The following ZNF407 variants were observed in gnomAD, a reference collection of about 807,000 sequenced individuals.
ZNF407 encodes the protein zinc finger protein 407.
In ZNF407, 17 loss-of-function variants were observed where a neutral mutation model predicts 131.2. The observed-to-expected ratio is 0.13, with a 90% CI of 0.09 to 0.19. ZNF407 has a LOEUF of 0.19. Ranked by LOEUF, ZNF407 falls within the 10% of genes least tolerant of loss-of-function variation. The pLI is 1.00. For synonymous variants in ZNF407, 1,156 were observed against 1,062.0 expected (o/e 1.09, Z -1.72); for missense variants, 2,681 against 2,830.6 (o/e 0.95, Z 1.20).
intron 8 of ZNF407, among the ~76,000 whole-genome samples, chr18:74,989,455 C>A (rs1972692434): frequency 6.6e-6 from 1 of 152,208 alleles, no homozygotes; most frequent in South Asian, 2.1e-4. Flanking sequence ...ATCACACAGA[C>A]CTCATAGAGC....
At chr18:74,673,817 TG>T (rs61597909) in intron 3 of ZNF407, among the ~76,000 whole-genome samples, 184 of 152,354 alleles carry the variant, frequency 1.2e-3, no homozygotes, top group African/African-American at 3.7e-3. Context: ...TTTGTATCTA[TG>T]ATTCATTGTT....
chr18:74,676,680 C>T (rs548171883), intron 3 of ZNF407, among the ~76,000 whole-genome samples: 17 of 151,882 alleles, frequency 1.1e-4, no homozygotes, highest in Non-Finnish European at 1.5e-4. Flanking sequence ...GTGATCTGCC[C>T]GCCTTGGCCT....
intron 4 of ZNF407, among the ~76,000 whole-genome samples, chr18:74,831,208 C>G (rs781414282): frequency 1.3e-5 from 2 of 152,154 alleles, no homozygotes; most frequent in Non-Finnish European, 2.9e-5. Context: ...CATATCTTGG[C>G]TGTTGTGAAC....
intron 4 of ZNF407, among the ~76,000 whole-genome samples, chr18:74,803,116 C>G (rs745389240): frequency 6.6e-6 from 1 of 152,142 alleles, no homozygotes; most frequent in Non-Finnish European, 1.5e-5. Flanking sequence ...GTTACCACCC[C>G]CTTAGCCAGT....
intron 1 of ZNF407, among the ~76,000 whole-genome samples, chr18:74,616,533 C>T (rs1983294769): frequency 6.6e-6 from 1 of 151,782 alleles, no homozygotes; most frequent in African/African-American, 2.4e-5. Context: ...CCAGCCCACT[C>T]CCTCCACCCC....
chr18:74,707,372 C>T (rs1375105721), intron 3 of ZNF407, among the ~76,000 whole-genome samples: 6 of 152,132 alleles, frequency 3.9e-5, no homozygotes, highest in African/African-American at 7.2e-5. Flanking sequence ...GGCTGAGCAT[C>T]CCTTATCCAA....
intron 8 of ZNF407, among the ~76,000 whole-genome samples, chr18:75,022,875 G>A (rs545452960): frequency 1.3e-5 from 2 of 152,236 alleles, no homozygotes; most frequent in South Asian, 2.1e-4. Context: ...AAAGATACCT[G>A]CATATGTATG....
intron 8 of ZNF407, among the ~76,000 whole-genome samples, chr18:75,038,340 T>A (rs1051530106): frequency 1.3e-5 from 2 of 152,230 alleles, no homozygotes; most frequent in African/African-American, 4.8e-5. Flanking sequence ...TGAGGTTTTT[T>A]TTTCCACGGG....
intron 4 of ZNF407, 75 bp downstream of exon 4, chr18:74,781,577 T>G (rs1193628404): frequency 8.7e-7 from 1 of 1,146,508 alleles, no homozygotes; most frequent in Non-Finnish European, 1.2e-6. Flanking sequence ...ATGACATGAC[T>G]TCTAGACTTT....
At chr18:74,667,950 C>A (rs1323942747) in intron 3 of ZNF407, among the ~76,000 whole-genome samples, 1 of 151,960 alleles carries the variant, frequency 6.6e-6, no homozygotes, top group Non-Finnish European at 1.5e-5. Flanking sequence ...ATTTTGTTTA[C>A]TTTGAGAAAT....
At chr18:74,914,658 C>A (rs771850803) in intron 7 of ZNF407, among the ~76,000 whole-genome samples, 1 of 152,168 alleles carries the variant, frequency 6.6e-6, no homozygotes. Flanking sequence ...GAGGTACTTT[C>A]CTGAGATCAC....
intron 7 of ZNF407, among the ~76,000 whole-genome samples, chr18:74,907,015 A>G (rs1203608831): frequency 3.9e-5 from 6 of 152,216 alleles, no homozygotes; most frequent in African/African-American, 1.2e-4. Context: ...ATGTATACAT[A>G]TATGTGTATA....
chr18:74,985,503 C>T (rs34350508), intron 8 of ZNF407, among the ~76,000 whole-genome samples: 6,108 of 152,254 alleles, frequency 0.04, 443 homozygotes, highest in African/African-American at 0.14. Context: ...TTACAACCAC[C>T]TAAATTAGTG....
chr18:74,889,925 A>G lies in ZNF407; in HGVS notation c.5136A>G (p.Lys1712=), dbSNP rs186266764. The change falls in exon 7 of 9, where the codon AAA becomes AAG. Residue 1712 remains lysine, a synonymous_variant. Coordinates refer to ENST00000299687, the MANE Select transcript of ZNF407 (RefSeq NM_017757.3). ...TTTCTTGATATATTACAGGAGAAAA[A>G]CCTTTCAAGTGCGATGAGTGTAACT... ...TKHRRQHTGE[K]PFKCDECNFA... The G allele has an allele frequency of 6.2e-7, 1 of 1,607,394 alleles. No homozygotes were observed. Among genetic ancestry groups the G allele is most frequent in the Non-Finnish European group, 8.5e-7 (1 of 1,176,778 alleles).
chr18:74,632,601 T>G lies in ZNF407; in HGVS notation c.1582T>G (p.Cys528Gly). 6.2e-7 allele frequency: 1 copy of G among 1,614,048 alleles called. No individual in the cohort carries two copies. Among genetic ancestry groups the G allele is most frequent in the East Asian group, 2.2e-5 (1 of 44,876 alleles). ...GCCAGCTTCTGGCTCTCAGACGTTGTGTGCTTGTACAGACTGTGGGCAAGT... is the reference window on the plus strand; with the variant it reads ...GCCAGCTTCTGGCTCTCAGACGTTGGGTGCTTGTACAGACTGTGGGCAAGT... ...VKPASGSQTL[C>G]ACTDCGQVAT... is the part of the protein sequence containing the mutation. The change falls in exon 2 of 9, where the codon TGT (cysteine) becomes GGT (glycine). Residue 528 changes from cysteine to glycine, a missense_variant. Cys to Gly is a radical substitution (Grantham distance 159, BLOSUM62 -3). Coordinates refer to ENST00000299687, the MANE Select transcript of ZNF407 (RefSeq NM_017757.3).
rs370364792 is a variant in ZNF407, at chr18:74,680,679, T to G, written c.4802+39557T>G. On this transcript the variant is annotated intron_variant, in intron 3 of 8. Coordinates refer to ENST00000299687, the MANE Select transcript of ZNF407 (RefSeq NM_017757.3). ...CGTCAAATTTACAACCTTGAGTAGATGTAGTATTTTTCTTATAATTTTGAA... is the reference window on the plus strand; with the variant it reads ...CGTCAAATTTACAACCTTGAGTAGAGGTAGTATTTTTCTTATAATTTTGAA... Among the ~76,000 whole-genome samples the G allele has an allele frequency of 1.1e-4, 17 of 152,226 alleles. No homozygotes were observed. In the East Asian group the frequency reaches 3.1e-3, roughly 28 times the overall value.
chr18:74,968,274 C>T (rs1348191574), intron 8 of ZNF407, among the ~76,000 whole-genome samples: 1 of 152,142 alleles, frequency 6.6e-6, no homozygotes, highest in African/African-American at 2.4e-5. Context: ...CATTTAGGGA[C>T]CTTAACTTCC....
intron 3 of ZNF407, among the ~76,000 whole-genome samples, chr18:74,755,847 T>C (rs1472370464): frequency 6.8e-4 from 75 of 110,678 alleles, no homozygotes; most frequent in Non-Finnish European, 1.1e-3. Context: ...CTCCCTCCCT[T>C]CCTCCCTTCC....
chr18:74,933,362 A>G (rs1224091298), intron 8 of ZNF407, among the ~76,000 whole-genome samples: 1 of 152,216 alleles, frequency 6.6e-6, no homozygotes, highest in Non-Finnish European at 1.5e-5. Flanking sequence ...GAGTAGTCGA[A>G]GTCAAAGAGA....
Sources: gnomAD v4.1 joint callset for allele counts (sites outside exome capture counted in the v4.1 genomes callset) on GRCh38, gnomAD v4.1.1 for gene constraint, MANE v1.5 for transcripts, NCBI Gene and HGNC (gene_info 2026-07-23, HGNC 2026-07-21) for gene names.